Variants in CAPN14 observed in about 807,000 individuals in gnomAD.
CAPN14 encodes calpain 14, also known as calpain-14.
In CAPN14, 94 loss-of-function variants were observed where a neutral mutation model predicts 101.3. The ratio of observed to expected loss-of-function variants is 0.93; its 90% CI spans 0.79 to 1.10. CAPN14 has a LOEUF of 1.10. CAPN14 is among the 50% of genes least tolerant of loss of function. The pLI, the probability that CAPN14 is intolerant of heterozygous loss-of-function variation, is 0.00. For missense variants in CAPN14, 837 were observed against 828.4 expected, an observed-to-expected ratio of 1.01 and a Z score of -0.13; for synonymous variants, 338 against 317.9, an observed-to-expected ratio of 1.06 and a Z score of -0.67.
At chr2:31,224,088 T>C (rs1023039442) in intron 2 of CAPN14, among the ~76,000 whole-genome samples, 2 of 152,144 alleles carry the variant, frequency 1.3e-5, no homozygotes, top group African/African-American at 4.8e-5. Context: ...GTGAATTCCG[T>C]CCCATCCTGT....
intron 17 of CAPN14, among the ~76,000 whole-genome samples, chr2:31,180,271 T>C (rs57684646): frequency 0.37 from 55,629 of 152,024 alleles, 12,173 homozygotes; most frequent in African/African-American, 0.61. Context: ...TGGGACCTGC[T>C]CCATGCCCGT....
intron 21 of CAPN14, among the ~76,000 whole-genome samples, chr2:31,175,905 C>G (rs147632164): frequency 5.3e-4 from 80 of 152,332 alleles, no homozygotes; most frequent in African/African-American, 1.9e-3. Context: ...ACCTAAGCAG[C>G]TGCTCAATAA....
At chr2:31,206,012 ATTATCT>A (rs1682057339) in intron 1 of CAPN14, among the ~76,000 whole-genome samples, 1 of 142,582 alleles carries the variant, frequency 7.0e-6, no homozygotes, top group Non-Finnish European at 1.5e-5. Flanking sequence ...CTCCTCCTAC[ATTATCT>A]TTATTTTTTT....
intron 12 of CAPN14, among the ~76,000 whole-genome samples, chr2:31,191,159 G>A (rs979981778): frequency 3.9e-5 from 6 of 152,108 alleles, no homozygotes; most frequent in Admixed American, 2.6e-4. Flanking sequence ...TTCTCTGCTA[G>A]GCTCTAAGAC....
At chr2:31,177,224 C>T in intron 19 of CAPN14, 82 bp from the exon 20 acceptor site, 2 of 892,104 alleles carry the variant, frequency 2.2e-6, no homozygotes, top group South Asian at 3.3e-5. Flanking sequence ...TTCAAATGTC[C>T]CTCCAGTTTA....
intron 1 of CAPN14, among the ~76,000 whole-genome samples, chr2:31,207,862 T>C (rs1380587212): frequency 6.6e-6 from 1 of 152,216 alleles, no homozygotes; most frequent in Non-Finnish European, 1.5e-5. Context: ...GTTTTGTAGG[T>C]AGCTCATCAA....
chr2:31,210,460 C>CATAAAATAAAATAAAATAAAATAAA lies in CAPN14; in HGVS notation c.-52-4986_-52-4962dup, dbSNP rs10550181. 2.8e-3 allele frequency among the ~76,000 whole-genome samples: 420 copies of CATAAAATAAAATAAAATAAAATAAA among 150,720 alleles called. 7 individuals are homozygous for CATAAAATAAAATAAAATAAAATAAA. Among genetic ancestry groups the CATAAAATAAAATAAAATAAAATAAA allele is most frequent in the African/African-American group, 9.6e-3 (392 of 40,838 alleles). ...GTGTCTCCATCTCAAAAAAATAAAA[C>CATAAAATAAAATAAAATAAAATAAA]ATAAAATAAAATAAAATAAAATAAA... On this transcript the variant is annotated intron_variant, in intron 1 of 21. Coordinates refer to ENST00000403897, the MANE Select transcript of CAPN14 (RefSeq NM_001145122.2).
intron 6 of CAPN14, among the ~76,000 whole-genome samples, chr2:31,199,818 T>A (rs993224111): frequency 2.0e-5 from 3 of 152,212 alleles, no homozygotes; most frequent in African/African-American, 4.8e-5. Flanking sequence ...TGGCCATTAG[T>A]GAAGGCAGGG....
chr2:31,196,667 C>T (rs975063733), intron 8 of CAPN14, among the ~76,000 whole-genome samples: 1 of 152,166 alleles, frequency 6.6e-6, no homozygotes, highest in South Asian at 2.1e-4. Context: ...GCCCTACAGC[C>T]AGTGTCTAGC....
intron 16 of CAPN14, among the ~76,000 whole-genome samples, chr2:31,183,574 A>C (rs867878533): frequency 0.013 from 1,979 of 152,224 alleles, 48 homozygotes; most frequent in African/African-American, 0.044. Context: ...CAGCCAAAAA[A>C]CACATGAAAA....
rs1681801950 is a variant in CAPN14 at position 31,201,893 on chromosome 2, A to G, written c.520T>C (p.Trp174Arg). 1 of 1,551,634 alleles carries G rather than the reference A, an allele frequency of 6.4e-7. No individual in the cohort carries two copies. Among genetic ancestry groups the G allele is most frequent in the Non-Finnish European group, 8.7e-7 (1 of 1,147,012 alleles). ...TAGGCCTTTTCCAGAAGTGCTCCCCAGAACAAGTTCTTATAGGTGGAGGAG... is the reference window on the plus strand; with the variant it reads ...TAGGCCTTTTCCAGAAGTGCTCCCCGGAACAAGTTCTTATAGGTGGAGGAG... Reference protein sequence around the residue: ...FVSSTYKNLFWGALLEKAYAK... With the variant: ...FVSSTYKNLFRGALLEKAYAK... Residue 174 changes from tryptophan to arginine, a missense_variant, in exon 5 of 22, where the codon TGG (tryptophan) becomes CGG (arginine). By Grantham distance (101) the Trp-to-Arg change is moderately radical. Transcript: ENST00000403897.
chr2:31,182,313 T>G (rs565625605), intron 16 of CAPN14, among the ~76,000 whole-genome samples: 2 of 149,490 alleles, frequency 1.3e-5, no homozygotes, highest in Non-Finnish European at 2.9e-5. Flanking sequence ...CTATTCAACA[T>G]AGTGTTGGAA....
In CAPN14 at chr2:31,230,618, T is replaced by G. The variant is rs1204499729; in HGVS notation, c.-177+3173A>C. Among the ~76,000 whole-genome samples, 1 of 152,248 alleles carries G rather than the reference T, an allele frequency of 6.6e-6. No individual in the cohort carries two copies. On this transcript the variant is annotated intron_variant and NMD_transcript_variant, in intron 1 of 21. Coordinates refer to the CAPN14 transcript ENST00000398824. The surrounding 1 kb of genome is among the most constrained non-coding windows in gnomAD (Gnocchi z 4.3). The stretch of plus-strand genomic sequence containing the variant: ...ACTAATGAGATGCAACATGTTTTCT[T>G]GCGTTTATAGGGCATTCATGTAGCC...
At chr2:31,232,743 T>G (rs1384514316) in intron 1 of CAPN14, among the ~76,000 whole-genome samples, 1 of 152,166 alleles carries the variant, frequency 6.6e-6, no homozygotes, top group Non-Finnish European at 1.5e-5. Context: ...CCTAAACGCA[T>G]GGGGATTATG....
chr2:31,188,288 A>G (rs1681002158), intron 14 of CAPN14, 30 bp downstream of exon 14: 1 of 1,547,970 alleles, frequency 6.5e-7, no homozygotes, highest in Non-Finnish European at 8.7e-7. Context: ...AAGCAGTCCC[A>G]GCCATATGGA....
At chr2:31,184,417 G>A (rs772133036) in intron 16 of CAPN14, among the ~76,000 whole-genome samples, 2 of 152,114 alleles carry the variant, frequency 1.3e-5, no homozygotes, top group Admixed American at 6.5e-5. Context: ...CCTCACATGC[G>A]ATGGTTTCTA....
At chr2:31,190,280 G>C (rs1681114786) in intron 12 of CAPN14, among the ~76,000 whole-genome samples, 1 of 152,074 alleles carries the variant, frequency 6.6e-6, no homozygotes, top group Non-Finnish European at 1.5e-5. Context: ...CCTCTCTCCA[G>C]TTTATACACA....
chr2:31,212,319 A>C lies in CAPN14; in HGVS notation c.-53+5137T>G, dbSNP rs1462733331. ...AATAAGACCGTCTCAAAACAAAAAA[A>C]AAAAAAAACAAAAAAAACACAATGT... On this transcript the variant is annotated intron_variant, in intron 1 of 21. Coordinates refer to ENST00000403897, the MANE Select transcript of CAPN14 (RefSeq NM_001145122.2). Among the ~76,000 whole-genome samples, 7 of 151,118 alleles carry C rather than the reference A, an allele frequency of 4.6e-5. 1 individual carries two copies. The highest frequency in any genetic ancestry group is 1.9e-4 in the East Asian group (1 of 5,176).
intron 1 of CAPN14, among the ~76,000 whole-genome samples, chr2:31,229,540 G>C (rs973389797): frequency 6.6e-6 from 1 of 152,024 alleles, no homozygotes; most frequent in Non-Finnish European, 1.5e-5. Flanking sequence ...GCCAGGTGTG[G>C]TGGCTCATGC....
Sources: allele counts gnomAD v4.1 joint callset (sites outside exome capture counted in the v4.1 genomes callset), GRCh38; gene constraint gnomAD v4.1.1; non-coding constraint Gnocchi (gnomAD v3.1); transcripts MANE v1.5; gene names NCBI Gene and HGNC (gene_info 2026-07-23, HGNC 2026-07-21).